LONP2: variants seen among roughly 807,000 people sequenced by gnomAD.
LONP2 encodes the protein lon protease homolog 2, peroxisomal.
Under a neutral mutation model 85.6 loss-of-function variants are expected in LONP2, and 60 were observed. The ratio of observed to expected loss-of-function variants is 0.70; its 90% CI spans 0.57 to 0.87. The LOEUF (loss-of-function observed/expected upper bound fraction) is 0.87. Among genes scored for constraint, LONP2 ranks in the 40% least tolerant of loss-of-function variants. The probability of loss-of-function intolerance (pLI) is 0.00; values close to 1 mark genes in which losing one functional copy is unlikely to be tolerated. For synonymous variants in LONP2, 395 were observed against 389.7 expected, an observed-to-expected ratio of 1.01 and a Z score of -0.16; for missense variants, 860 against 1,063.5, an observed-to-expected ratio of 0.81 and a Z score of 2.66.
At chr16:48,260,454 G>A (rs1240534378) in intron 4 of LONP2, among the ~76,000 whole-genome samples, 1 of 152,070 alleles carries the variant, frequency 6.6e-6, no homozygotes, top group Non-Finnish European at 1.5e-5. Flanking sequence ...TAAAAAATTA[G>A]CCAGCATGCT....
At chr16:48,325,056 C>T (rs1389324318) in intron 11 of LONP2, among the ~76,000 whole-genome samples, 1 of 152,178 alleles carries the variant, frequency 6.6e-6, no homozygotes, top group Non-Finnish European at 1.5e-5. Flanking sequence ...TCATGGGAGA[C>T]AGTTTTTCCA....
In LONP2 at chr16:48,348,194, C is replaced by T; in HGVS notation, c.2241C>T (p.Thr747=). 41 of 1,613,322 alleles carry T rather than the reference C, an allele frequency of 2.5e-5. No homozygotes were observed. Among genetic ancestry groups the T allele is most frequent in the Non-Finnish European group, 3.5e-5 (41 of 1,179,846 alleles). ...VTKDGPSAGV[T]IVTCLASLFS... ...AAGATGGACCATCTGCTGGAGTTAC[C>T]ATAGTAACCTGTCTCGCCTCACTTT... Residue 747 remains threonine, a synonymous_variant, in exon 14 of 15, where the codon ACC becomes ACT. Coordinates refer to ENST00000285737, the MANE Select transcript of LONP2 (RefSeq NM_031490.5).
At chr16:48,284,982 T>G (rs937198239) in intron 8 of LONP2, among the ~76,000 whole-genome samples, 41 of 152,238 alleles carry the variant, frequency 2.7e-4, no homozygotes, top group African/African-American at 8.2e-4. Flanking sequence ...TTTCTTTGTG[T>G]GGATACTGTC....
At chr16:48,303,051 C>G in intron 10 of LONP2, 121 bp from the exon 11 acceptor site, 4 of 1,014,730 alleles carry the variant, frequency 3.9e-6, no homozygotes, top group Non-Finnish European at 5.7e-6. Context: ...AAAGTTAGTA[C>G]TCAAGAAAGG....
chr16:48,277,653 C>A (rs371075719), intron 8 of LONP2, among the ~76,000 whole-genome samples, 174 bp downstream of exon 8: 33 of 152,166 alleles, frequency 2.2e-4, no homozygotes, highest in Non-Finnish European at 5.9e-5. Flanking sequence ...TTTGAGATTT[C>A]TTTCACTAAG....
chr16:48,272,191 TAATA>T, intron 7 of LONP2, among the ~76,000 whole-genome samples: 1 of 152,232 alleles, frequency 6.6e-6, no homozygotes, highest in Middle Eastern at 3.2e-3. Flanking sequence ...TAAATTCTAT[TAATA>T]AATTCTCAGG....
Position 48,259,563 on chromosome 16 carries a change from G to A in LONP2, c.723+823G>A, listed in dbSNP as rs114332670. Among the ~76,000 whole-genome samples the A allele has an allele frequency of 4.6e-3, 694 of 152,306 alleles. 4 individuals are homozygous for A. The highest frequency in any genetic ancestry group is 0.016 in the African/African-American group (648 of 41,556). On this transcript the variant is annotated intron_variant, in intron 4 of 14. Coordinates refer to ENST00000285737, the MANE Select transcript of LONP2 (RefSeq NM_031490.5). ...GCAGCGCTCTGACTTAAGTTGAGGC[G>A]TTGAGAATTATGTTAGCAATTTGAC...
downstream of LONP2, chr16:48,361,451 CTTTT>C (rs1469106637): frequency 3.6e-6 from 3 of 844,780 alleles, no homozygotes; most frequent in Non-Finnish European, 5.6e-6. Context: ...AACAGCCTTT[CTTTT>C]TATTTACCTT....
intron 14 of LONP2, among the ~76,000 whole-genome samples, chr16:48,348,888 A>T (rs945162417): frequency 2.0e-5 from 3 of 152,212 alleles, no homozygotes; most frequent in African/African-American, 7.2e-5. Flanking sequence ...GCCTTGTTCT[A>T]CTTGACAAAT....
chr16:48,320,728 T>A (rs2151015140), intron 11 of LONP2, among the ~76,000 whole-genome samples: 1 of 152,278 alleles, frequency 6.6e-6, no homozygotes, highest in African/African-American at 2.4e-5. Context: ...ACATTTACAC[T>A]GATTTACTGA....
chr16:48,282,438 G>C (rs1432929190), intron 8 of LONP2, among the ~76,000 whole-genome samples: 1 of 150,192 alleles, frequency 6.7e-6, no homozygotes, highest in Non-Finnish European at 1.5e-5. Context: ...AAGAAAGAAA[G>C]TGTTTATGGC....
intron 11 of LONP2, among the ~76,000 whole-genome samples, chr16:48,319,471 G>T (rs563638460): frequency 6.3e-4 from 96 of 152,152 alleles, no homozygotes; most frequent in African/African-American, 2.2e-3. Context: ...CTTGTTACAG[G>T]ATCTTCCTAT....
chr16:48,357,470 C>T (rs1230687568), downstream of LONP2: 1 of 152,050 alleles, frequency 6.6e-6, no homozygotes, highest in Non-Finnish European at 1.5e-5. Flanking sequence ...CTGTAACACT[C>T]TATCTGTACC....
chr16:48,362,735 A>G lies in LONP2; in HGVS notation c.*872A>G. ...AATGCTAAAATAGAAAATGGACCAT[A>G]AACAACTAAAGAAACTATACAAGGA... On this transcript the variant is annotated 3_prime_UTR_variant, in exon 5 of 5. Transcript: ENST00000565867. This position sits in a 1 kb window ranked among gnomAD's most constrained non-coding sequence, Gnocchi z 4.2. 3.7e-6 allele frequency: 1 copy of G among 267,870 alleles called. No homozygotes were observed. 16.6% of individuals were successfully genotyped at this position (267,870 alleles called of 1,614,324 possible).
chr16:48,257,818 C>T (rs1971790509), intron 3 of LONP2, among the ~76,000 whole-genome samples: 1 of 152,138 alleles, frequency 6.6e-6, no homozygotes, highest in Admixed American at 6.6e-5. Flanking sequence ...CCAGAGAGCC[C>T]CCTGGCTGTG....
chr16:48,278,296 G>T (rs4528570), intron 8 of LONP2, among the ~76,000 whole-genome samples: 4 of 151,832 alleles, frequency 2.6e-5, no homozygotes, highest in Admixed American at 1.3e-4. Context: ...TTAAGCGTCC[G>T]GTCTGAACTG....
chr16:48,270,554 ATAT>A (rs1034043264), intron 7 of LONP2, among the ~76,000 whole-genome samples: 2 of 152,112 alleles, frequency 1.3e-5, no homozygotes, highest in African/African-American at 2.4e-5. Flanking sequence ...TTATGATTGG[ATAT>A]TATTATGTCT....
chr16:48,266,095 C>T (rs1204707063), intron 6 of LONP2, among the ~76,000 whole-genome samples: 1 of 152,074 alleles, frequency 6.6e-6, no homozygotes, highest in Admixed American at 6.6e-5. Flanking sequence ...CCTCTGCCTC[C>T]CAAGTTCAAG....
At chr16:48,334,885 C>T in intron 12 of LONP2, 1 of 417,966 alleles carries the variant, frequency 2.4e-6, no homozygotes, top group Non-Finnish European at 4.8e-6. Context: ...CAGTCTCACT[C>T]CATTCTCATT....
Sources: gnomAD v4.1 joint callset for allele counts (sites outside exome capture counted in the v4.1 genomes callset) on GRCh38, gnomAD v4.1.1 for gene constraint, Gnocchi (gnomAD v3.1) non-coding constraint, MANE v1.5 for transcripts, NCBI Gene and HGNC (gene_info 2026-07-23, HGNC 2026-07-21) for gene names.